EIPR1: variants seen among roughly 807,000 people sequenced by gnomAD.
The protein encoded by EIPR1 is EARP complex and GARP complex interacting protein 1, also known as EARP and GARP complex-interacting protein 1.
Under a neutral mutation model 48.1 loss-of-function variants are expected in EIPR1, and 25 were observed. The observed-to-expected ratio is 0.52, with a 90% CI of 0.38 to 0.73. EIPR1 has a LOEUF of 0.73. EIPR1 is among the 30% of genes least tolerant of loss of function. EIPR1 has a pLI of 0.00. For missense variants in EIPR1, 415 were observed against 506.2 expected (o/e 0.82, Z 1.73); for synonymous variants, 204 against 201.9 (o/e 1.01, Z -0.09).
Position 3,312,881 on chromosome 2 carries a change from T to C in EIPR1, c.259+25136A>G, listed in dbSNP as rs1211531946. Among the ~76,000 whole-genome samples the C allele has an allele frequency of 6.6e-6, 1 of 152,122 alleles. No individual in the cohort carries two copies. The highest frequency in any genetic ancestry group is 1.5e-5 in the Non-Finnish European group (1 of 68,020). Reference sequence around the variant, plus strand: ...ATGGAGGTACACCCACTGATAAGGGTCACCAGATTGAGAAATAAAAACTTG... The same window carrying C: ...ATGGAGGTACACCCACTGATAAGGGCCACCAGATTGAGAAATAAAAACTTG... On this transcript the variant is annotated intron_variant, in intron 3 of 8. Coordinates refer to ENST00000382125, the MANE Select transcript of EIPR1 (RefSeq NM_003310.5). The surrounding 1 kb of genome is among the most constrained non-coding windows in gnomAD (Gnocchi z 5.5).
intron 3 of EIPR1, among the ~76,000 whole-genome samples, chr2:3,294,284 AC>A (rs1668460557): frequency 6.8e-6 from 1 of 148,088 alleles, no homozygotes; most frequent in Admixed American, 6.7e-5. Context: ...TCCTCCCTAC[AC>A]ACACACACCC....
chr2:3,240,909 T>G (rs1394285875), intron 4 of EIPR1, among the ~76,000 whole-genome samples: 1 of 76,572 alleles, frequency 1.3e-5, no homozygotes, highest in Non-Finnish European at 2.9e-5. Context: ...AGCCAGCAGA[T>G]CCTTCCTAAA....
rs2103344008 is a variant in EIPR1, at chr2:3,333,107, C to T, written c.259+4910G>A. ...GGGAGCTCAACACTGACATTCCTGA[C>T]CACCCTTCTTAAGAATAGTAAGGGT... On this transcript the variant is annotated intron_variant, in intron 3 of 8. Coordinates refer to ENST00000382125, the MANE Select transcript of EIPR1 (RefSeq NM_003310.5). Among the ~76,000 whole-genome samples the T allele has an allele frequency of 1.3e-5, 2 of 152,302 alleles. 1 individual carries two copies. Among genetic ancestry groups the T allele is most frequent in the East Asian group, 3.9e-4 (2 of 5,184 alleles).
chr2:3,246,087 G>A (rs1666785062), intron 4 of EIPR1, among the ~76,000 whole-genome samples: 3 of 152,036 alleles, frequency 2.0e-5, no homozygotes, highest in African/African-American at 2.4e-5. Flanking sequence ...GCCAGACCCC[G>A]TCTCAAAAAA....
intron 1 of EIPR1, among the ~76,000 whole-genome samples, chr2:3,366,016 T>C (rs1353083880): frequency 1.3e-5 from 2 of 151,892 alleles, no homozygotes; most frequent in African/African-American, 2.4e-5. Flanking sequence ...GAAAAAGCTT[T>C]TTAAAAAGAG....
chr2:3,210,717 C>A (rs184813760), intron 5 of EIPR1, among the ~76,000 whole-genome samples: 1 of 151,682 alleles, frequency 6.6e-6, no homozygotes, highest in Non-Finnish European at 1.5e-5. Flanking sequence ...GCAACCTCCA[C>A]CTCCCAGGTT....
intron 5 of EIPR1, among the ~76,000 whole-genome samples, chr2:3,206,099 A>T (rs1328676406): frequency 6.6e-6 from 1 of 152,182 alleles, no homozygotes; most frequent in African/African-American, 2.4e-5. Flanking sequence ...TGCCACCTTC[A>T]GGATGCAGAA....
intron 1 of EIPR1, among the ~76,000 whole-genome samples, chr2:3,370,259 A>G (rs1265726153): frequency 2.6e-5 from 4 of 152,212 alleles, no homozygotes; most frequent in Non-Finnish European, 5.9e-5. Context: ...ATCAAAGACC[A>G]AAAGTAGATA....
chr2:3,309,923 C>A (rs1669071238), intron 3 of EIPR1, among the ~76,000 whole-genome samples: 1 of 152,052 alleles, frequency 6.6e-6, no homozygotes, highest in African/African-American at 2.4e-5. Flanking sequence ...CTGGCAGCGC[C>A]CCTGTGTACG....
intron 3 of EIPR1, among the ~76,000 whole-genome samples, chr2:3,316,978 G>T (rs1049953385): frequency 6.6e-6 from 1 of 152,234 alleles, no homozygotes. Flanking sequence ...TTGCACATGG[G>T]GTGGAGCATG....
intron 3 of EIPR1, among the ~76,000 whole-genome samples, chr2:3,284,812 G>A (rs540488610): frequency 2.2e-4 from 34 of 152,208 alleles, no homozygotes; most frequent in African/African-American, 7.7e-4. Context: ...GGAAAGGGGG[G>A]CCCGCCAGCA....
At chr2:3,285,332 C>A (rs993377260) in intron 3 of EIPR1, among the ~76,000 whole-genome samples, 1 of 147,526 alleles carries the variant, frequency 6.8e-6, no homozygotes, top group Non-Finnish European at 1.5e-5. Context: ...CCCCCACCCC[C>A]ACCCCCACCC....
At chr2:3,307,546 CAA>C (rs1347923678) in intron 3 of EIPR1, among the ~76,000 whole-genome samples, 3 of 152,214 alleles carry the variant, frequency 2.0e-5, no homozygotes, top group Admixed American at 2.0e-4. Context: ...AGCCAGGAAA[CAA>C]GAGCCCCGCC....
At chr2:3,354,867 TTAAG>T (rs930782129) in intron 1 of EIPR1, among the ~76,000 whole-genome samples, 2 of 152,206 alleles carry the variant, frequency 1.3e-5, no homozygotes, top group East Asian at 1.9e-4. Context: ...GGGTACAAAA[TTAAG>T]TAATAAAGAT....
At chr2:3,321,818 T>A (rs1669538402) in intron 3 of EIPR1, among the ~76,000 whole-genome samples, 1 of 152,182 alleles carries the variant, frequency 6.6e-6, no homozygotes, top group South Asian at 2.1e-4. Context: ...AAGCACGTCC[T>A]GGACCAGGCG....
At chr2:3,335,860 T>C (rs940971083) in intron 3 of EIPR1, among the ~76,000 whole-genome samples, 1 of 152,186 alleles carries the variant, frequency 6.6e-6, no homozygotes, top group Non-Finnish European at 1.5e-5. Flanking sequence ...TCATGCTTCC[T>C]GTTAAGCCCG....
At chr2:3,282,249 T>A (rs559422257) in intron 3 of EIPR1, among the ~76,000 whole-genome samples, 1 of 152,334 alleles carries the variant, frequency 6.6e-6, no homozygotes, top group Admixed American at 6.5e-5. Flanking sequence ...TGCCCCTCTG[T>A]GCAGCTTGCA....
intron 2 of EIPR1, chr2:3,353,407 C>A: frequency 2.3e-6 from 1 of 431,326 alleles, no homozygotes; most frequent in Non-Finnish European, 4.8e-6. Context: ...CCCACCAAAT[C>A]ATCTAACGAT....
intron 1 of EIPR1, among the ~76,000 whole-genome samples, chr2:3,361,111 C>T (rs1670841576): frequency 6.6e-6 from 1 of 152,172 alleles, no homozygotes; most frequent in African/African-American, 2.4e-5. Flanking sequence ...AATAAACCCT[C>T]CAGGAGAACT....
Sources: allele counts gnomAD v4.1 joint callset (sites outside exome capture counted in the v4.1 genomes callset), GRCh38; gene constraint gnomAD v4.1.1; non-coding constraint Gnocchi (gnomAD v3.1); transcripts MANE v1.5; gene names NCBI Gene and HGNC (gene_info 2026-07-23, HGNC 2026-07-21).